The following TRIM44 variants were observed in gnomAD, a reference collection of about 807,000 sequenced individuals.
TRIM44 encodes the protein tripartite motif-containing protein 44.
A neutral mutation model predicts 37.4 loss-of-function variants in TRIM44; 13 were observed. The ratio of observed to expected loss-of-function variants is 0.35; its 90% CI spans 0.23 to 0.55. The LOEUF (loss-of-function observed/expected upper bound fraction) is 0.55, where lower values mean the gene tolerates loss of function less well. TRIM44 is among the 20% of genes least tolerant of loss of function. TRIM44 has a pLI of 0.89. For synonymous variants in TRIM44, 175 were observed against 157.2 expected (o/e 1.11, Z -0.85); for missense variants, 426 against 437.2 (o/e 0.97, Z 0.23).
chr11:35,795,085 G>A (rs944992583), intron 4 of TRIM44, among the ~76,000 whole-genome samples: 1 of 152,082 alleles, frequency 6.6e-6, no homozygotes, highest in South Asian at 2.1e-4. Context: ...CTTTGAGGCA[G>A]ACCAGCAAAG....
intron 4 of TRIM44, among the ~76,000 whole-genome samples, chr11:35,759,061 G>A (rs1225277548): frequency 2.6e-5 from 4 of 152,086 alleles, no homozygotes; most frequent in African/African-American, 4.8e-5. Context: ...TGCTAGATTG[G>A]GGAAGTTCTC....
At position 35,814,502 on chromosome 11, in the gene TRIM44, G is replaced by A. The variant is rs1853558741; in HGVS notation, c.*8117G>A. ...TCTCATGGATTATTGAGCACTCTGG[G>A]GTAACCTGGCCCTGATCTGATGACG... On this transcript the variant is annotated 3_prime_UTR_variant, in exon 5 of 5. Transcript: ENST00000299413. 1 of 152,042 alleles carries A rather than the reference G, an allele frequency of 6.6e-6. No homozygotes were observed. The allele number at this position is 152,042 out of a possible 1,614,324, so 9.4% of individuals were successfully genotyped here.
At chr11:35,722,567 A>G (rs1256479113) in intron 2 of TRIM44, among the ~76,000 whole-genome samples, 1 of 152,242 alleles carries the variant, frequency 6.6e-6, no homozygotes, top group Non-Finnish European at 1.5e-5. Flanking sequence ...TAGACCATAT[A>G]GAGTAACTTC....
At chr11:35,739,048 T>C (rs1310672253) in intron 4 of TRIM44, among the ~76,000 whole-genome samples, 1 of 152,202 alleles carries the variant, frequency 6.6e-6, no homozygotes, top group Admixed American at 6.5e-5. Flanking sequence ...TCCTCTTTTC[T>C]GTTTTGATTT....
chr11:35,753,339 C>T (rs934471520), intron 4 of TRIM44, among the ~76,000 whole-genome samples: 1 of 152,206 alleles, frequency 6.6e-6, no homozygotes, highest in Non-Finnish European at 1.5e-5. Context: ...GGAATTTATA[C>T]AGACCCATTT....
chr11:35,684,501 T>G (rs1851552301), intron 1 of TRIM44, among the ~76,000 whole-genome samples: 1 of 152,230 alleles, frequency 6.6e-6, no homozygotes. Context: ...CCACATACTG[T>G]GCTAATATCT....
intron 2 of TRIM44, among the ~76,000 whole-genome samples, chr11:35,686,069 C>A (rs1851574005): frequency 6.6e-6 from 1 of 152,190 alleles, no homozygotes; most frequent in African/African-American, 2.4e-5. Context: ...GAGCCAGCTG[C>A]CACTCAGAAT....
chr11:35,746,436 G>A (rs138468388), intron 4 of TRIM44, among the ~76,000 whole-genome samples: 1 of 146,000 alleles, frequency 6.8e-6, no homozygotes, highest in Non-Finnish European at 1.5e-5. Context: ...AGCAGCTTCC[G>A]GGGGTCCTTC....
chr11:35,757,849 C>T (rs1409769061), intron 4 of TRIM44, among the ~76,000 whole-genome samples: 1 of 152,208 alleles, frequency 6.6e-6, no homozygotes, highest in Non-Finnish European at 1.5e-5. Context: ...TTTGATTGCA[C>T]TGTGGTCTCA....
At chr11:35,767,227 G>A (rs1852809697) in intron 4 of TRIM44, among the ~76,000 whole-genome samples, 1 of 152,124 alleles carries the variant, frequency 6.6e-6, no homozygotes, top group Non-Finnish European at 1.5e-5. Context: ...CATTATAGTG[G>A]TATTAAATGG....
At chr11:35,755,065 C>G (rs957449967) in intron 4 of TRIM44, among the ~76,000 whole-genome samples, 3 of 152,172 alleles carry the variant, frequency 2.0e-5, no homozygotes, top group Non-Finnish European at 4.4e-5. Flanking sequence ...TTCTAGATCC[C>G]TGAGGAATCA....
intron 4 of TRIM44, among the ~76,000 whole-genome samples, chr11:35,778,319 GGT>G (rs1432625696): frequency 1.3e-5 from 2 of 152,058 alleles, no homozygotes; most frequent in African/African-American, 4.8e-5. Flanking sequence ...GGTCATTTAA[GGT>G]GTTCTCTACA....
At chr11:35,679,871 C>G (rs750918142) in intron 1 of TRIM44, among the ~76,000 whole-genome samples, 11 of 152,052 alleles carry the variant, frequency 7.2e-5, no homozygotes, top group Non-Finnish European at 1.2e-4. Flanking sequence ...AAACAGAAAC[C>G]CAGGGATGTA....
chr11:35,707,912 G>T (rs1307699696), intron 2 of TRIM44, among the ~76,000 whole-genome samples: 1 of 136,372 alleles, frequency 7.3e-6, no homozygotes, highest in Non-Finnish European at 1.6e-5. Flanking sequence ...TGACAAATGG[G>T]ATCTAATTAA....
At chr11:35,684,947 A>G (rs1234101375) in intron 1 of TRIM44, among the ~76,000 whole-genome samples, 1 of 152,252 alleles carries the variant, frequency 6.6e-6, no homozygotes, top group Non-Finnish European at 1.5e-5. Flanking sequence ...GACATCTTGT[A>G]TGGAACTGTC....
chr11:35,806,421 C>A lies in TRIM44; in HGVS notation c.*36C>A. 1 of 1,612,180 alleles carries A rather than the reference C, an allele frequency of 6.2e-7. No homozygotes were observed. The highest frequency in any genetic ancestry group is 1.1e-5 in the South Asian group (1 of 91,030). On this transcript the variant is annotated 3_prime_UTR_variant, in exon 5 of 5. Coordinates refer to ENST00000299413, the MANE Select transcript of TRIM44 (RefSeq NM_017583.6). ...CCCCCAGTGGAAAATCATCCCCTCC[C>A]CTTGTGTGTATGTGACAGCGTGTAT...
chr11:35,691,175 G>A (rs1851632428), intron 2 of TRIM44, among the ~76,000 whole-genome samples: 1 of 152,150 alleles, frequency 6.6e-6, no homozygotes, highest in African/African-American at 2.4e-5. Context: ...GAAGAACTGA[G>A]GCAAGTGCTT....
intron 4 of TRIM44, among the ~76,000 whole-genome samples, chr11:35,792,191 T>C (rs1040776328): frequency 1.2e-4 from 18 of 152,142 alleles, no homozygotes; most frequent in African/African-American, 4.3e-4. Flanking sequence ...ACGTGTTTGT[T>C]GTCAACTTAC....
At chr11:35,665,968 AGTTGTGCCT>A (rs1851327948) in intron 1 of TRIM44, among the ~76,000 whole-genome samples, 1 of 152,028 alleles carries the variant, frequency 6.6e-6, no homozygotes, top group African/African-American at 2.4e-5. Flanking sequence ...TTTTTAAAGA[AGTTGTGCCT>A]TGAATAGAAG....
Sources: allele counts gnomAD v4.1 joint callset (sites outside exome capture counted in the v4.1 genomes callset), GRCh38; gene constraint gnomAD v4.1.1; transcripts MANE v1.5; gene names NCBI Gene and HGNC (gene_info 2026-07-23, HGNC 2026-07-21).